Variants in PRIM2 observed in about 807,000 individuals in gnomAD.
The protein encoded by PRIM2 is DNA primase large subunit.
Under a neutral mutation model 67.3 loss-of-function variants are expected in PRIM2, and 39 were observed. The observed-to-expected ratio is 0.58, with a 90% CI of 0.45 to 0.76. The LOEUF (loss-of-function observed/expected upper bound fraction) is 0.76, where lower values mean the gene tolerates loss of function less well. PRIM2 is among the 30% of genes least tolerant of loss of function. The pLI, the probability that PRIM2 is intolerant of heterozygous loss-of-function variation, is 0.00. For synonymous variants in PRIM2, 143 were observed against 198.7 expected, an observed-to-expected ratio of 0.72 and a Z score of 2.36; for missense variants, 398 against 598.7, an observed-to-expected ratio of 0.66 and a Z score of 3.50.
At chr6:57,376,581 G>A (rs542327410) in intron 5 of PRIM2, among the ~76,000 whole-genome samples, 6 of 152,248 alleles carry the variant, frequency 3.9e-5, no homozygotes, top group African/African-American at 1.2e-4. Flanking sequence ...CACACACAGA[G>A]GCATACACAA....
At chr6:57,473,998 C>G in intron 7 of PRIM2, among the ~76,000 whole-genome samples, 1 of 151,558 alleles carries the variant, frequency 6.6e-6, no homozygotes, top group Non-Finnish European at 1.5e-5. Flanking sequence ...GTGCAAATTA[C>G]TCATTAAACT....
At chr6:57,401,951 G>A (rs2127356242) in intron 7 of PRIM2, among the ~76,000 whole-genome samples, 1 of 152,320 alleles carries the variant, frequency 6.6e-6, no homozygotes, top group Admixed American at 6.5e-5. Context: ...TGCTGCAGAG[G>A]CAGTGGCAGG....
At chr6:57,385,691 A>C (rs1369263946) in intron 7 of PRIM2, among the ~76,000 whole-genome samples, 5 of 152,184 alleles carry the variant, frequency 3.3e-5, no homozygotes, top group African/African-American at 7.2e-5. Flanking sequence ...AGTTTCTCTT[A>C]GATTTTCATG....
intron 7 of PRIM2, among the ~76,000 whole-genome samples, chr6:57,442,679 T>C (rs372869234): frequency 0.036 from 5,538 of 152,128 alleles, 341 homozygotes; most frequent in African/African-American, 0.12. Context: ...GGAATTTTTA[T>C]TGTAAATTGG....
chr6:57,371,374 G>A (rs1483413402), intron 5 of PRIM2, among the ~76,000 whole-genome samples: 3 of 151,970 alleles, frequency 2.0e-5, no homozygotes, highest in Non-Finnish European at 4.4e-5. Flanking sequence ...AGTATTAGTG[G>A]TACTTAGTTA....
At chr6:57,379,757 A>G (rs1769888928) in intron 5 of PRIM2, 144 bp from the exon 6 acceptor site, 1 of 684,404 alleles carries the variant, frequency 1.5e-6, no homozygotes, top group Non-Finnish European at 2.2e-6. Flanking sequence ...AGTGATTCAG[A>G]TATCATGTTA....
At chr6:57,313,946 G>T (rs1308183698), upstream of PRIM2, among the ~76,000 whole-genome samples, 1 of 152,226 alleles carries the variant, frequency 6.6e-6, no homozygotes, top group Non-Finnish European at 1.5e-5. Flanking sequence ...ATCTCAGGGT[G>T]AATGCCACGT....
chr6:57,334,484 A>G (rs895922404), intron 5 of PRIM2, among the ~76,000 whole-genome samples: 5 of 152,038 alleles, frequency 3.3e-5, no homozygotes, highest in African/African-American at 1.2e-4. Context: ...AGGAACTTTC[A>G]TATTGTTTTT....
chr6:57,238,684 G>A, the PRIM2 span, among the ~76,000 whole-genome samples: 2 of 152,264 alleles, frequency 1.3e-5, no homozygotes, highest in South Asian at 4.2e-4. Flanking sequence ...ACATTCAAAA[G>A]CTAGCAGAAG....
intron 12 of PRIM2, among the ~76,000 whole-genome samples, chr6:57,621,037 C>G (rs1776843319): frequency 6.6e-6 from 1 of 152,124 alleles, no homozygotes; most frequent in Admixed American, 6.5e-5. Context: ...CTTTTTTGTC[C>G]CTCAGTTTCT....
chr6:57,645,971 T>C lies in PRIM2; in HGVS notation c.1343T>C (p.Phe448Ser). The change falls in exon 14 of 14, where the codon TTT (phenylalanine) becomes TCT (serine). Residue 448 changes from phenylalanine to serine, a missense_variant. By Grantham distance (155) the Phe-to-Ser change is radical. Coordinates refer to ENST00000615550, the MANE Select transcript of PRIM2 (RefSeq NM_000947.5). The stretch of plus-strand genomic sequence containing the variant: ...TCTTTGAATCATCCTAATCAGTTCT[T>C]TTGTGAGAGCCAACGTATTCTAAAT... ...GFSLNHPNQFFCESQRILNGG... is the reference protein window; with the variant it reads ...GFSLNHPNQFSCESQRILNGG... The C allele has an allele frequency of 6.2e-7, 1 of 1,605,090 alleles. No individual in the cohort carries two copies. Among genetic ancestry groups the C allele is most frequent in the East Asian group, 2.2e-5 (1 of 44,798 alleles).
At chr6:57,247,101 G>A in the PRIM2 span, among the ~76,000 whole-genome samples, 1 of 152,236 alleles carries the variant, frequency 6.6e-6, no homozygotes, top group Admixed American at 6.5e-5. Flanking sequence ...TGATCCGCCC[G>A]CCTTGGCCTT....
chr6:57,383,124 T>G (rs6459206), intron 7 of PRIM2: 7 of 152,186 alleles, frequency 4.6e-5, no homozygotes, highest in East Asian at 1.9e-4. Flanking sequence ...CTCATGAAAG[T>G]TGATGCTTTT....
At chr6:57,449,422 G>A (rs1330794372) in intron 7 of PRIM2, among the ~76,000 whole-genome samples, 1 of 152,006 alleles carries the variant, frequency 6.6e-6, no homozygotes, top group Admixed American at 6.6e-5. Flanking sequence ...AGAATAAAAT[G>A]GCAAAATGTG....
At chr6:57,625,096 G>A in intron 12 of PRIM2, among the ~76,000 whole-genome samples, 2 of 152,272 alleles carry the variant, frequency 1.3e-5, no homozygotes, top group Middle Eastern at 3.4e-3. Context: ...TGACACGTGG[G>A]AATTATGGGA....
At chr6:57,403,477 T>G (rs1254987379) in intron 7 of PRIM2, among the ~76,000 whole-genome samples, 1 of 151,874 alleles carries the variant, frequency 6.6e-6, no homozygotes, top group Non-Finnish European at 1.5e-5. Context: ...TTAGCCAGGA[T>G]GGTCTCAATC....
At chr6:57,222,383 G>T in the PRIM2 span, 4 of 152,472 alleles carry the variant, frequency 2.6e-5, no homozygotes, top group African/African-American at 9.6e-5. Flanking sequence ...GGTGGCTGGC[G>T]GCGGCTCAGC....
chr6:57,371,676 ATATTTT>A (rs1366140700), intron 5 of PRIM2, among the ~76,000 whole-genome samples: 1 of 152,206 alleles, frequency 6.6e-6, no homozygotes, highest in Non-Finnish European at 1.5e-5. Context: ...AATTTGAAAT[ATATTTT>A]TATATTTAGG....
chr6:57,418,390 T>G (rs1485748705), intron 7 of PRIM2, among the ~76,000 whole-genome samples: 1,998 of 81,386 alleles, frequency 0.025, 147 homozygotes, highest in Non-Finnish European at 0.034. Context: ...GTGGTTTTTT[T>G]TTTTTTTTTT....
Sources: gnomAD v4.1 joint callset for allele counts (sites outside exome capture counted in the v4.1 genomes callset) on GRCh38, gnomAD v4.1.1 for gene constraint, MANE v1.5 for transcripts, NCBI Gene and HGNC (gene_info 2026-07-23, HGNC 2026-07-21) for gene names.